Variants in NEDD9 observed in about 807,000 individuals in gnomAD.
NEDD9 encodes enhancer of filamentation 1.
A neutral mutation model predicts 76.6 loss-of-function variants in NEDD9; 26 were observed. That is an observed-to-expected ratio of 0.34 (90% CI 0.25 to 0.47). The LOEUF (loss-of-function observed/expected upper bound fraction) is 0.47. Among genes scored for constraint, NEDD9 ranks in the 20% least tolerant of loss-of-function variants. The probability of loss-of-function intolerance (pLI) is 1.00; values close to 1 mark genes in which losing one functional copy is unlikely to be tolerated. For missense variants in NEDD9, 937 were observed against 1,058.5 expected (o/e 0.89, Z 1.59); for synonymous variants, 392 against 414.2 (o/e 0.95, Z 0.65).
At chr6:11,305,529 A>T (rs1315857841) in intron 3 of NEDD9, among the ~76,000 whole-genome samples, 1 of 152,218 alleles carries the variant, frequency 6.6e-6, no homozygotes, top group African/African-American at 2.4e-5. Flanking sequence ...GATTATTTTC[A>T]TCCTACACTC....
At chr6:11,272,177 G>C (rs1760322990) in intron 3 of NEDD9, among the ~76,000 whole-genome samples, 1 of 152,162 alleles carries the variant, frequency 6.6e-6, no homozygotes, top group Non-Finnish European at 1.5e-5. Context: ...TGCTGCAGAT[G>C]AGGATCTCTG....
At chr6:11,285,773 T>C (rs1760634981) in intron 3 of NEDD9, among the ~76,000 whole-genome samples, 1 of 152,198 alleles carries the variant, frequency 6.6e-6, no homozygotes, top group Non-Finnish European at 1.5e-5. Flanking sequence ...CATAGTTCTT[T>C]CAACAAATGG....
intron 1 of NEDD9, among the ~76,000 whole-genome samples, chr6:11,375,355 T>C (rs1021837287): frequency 6.6e-6 from 1 of 152,210 alleles, no homozygotes; most frequent in Non-Finnish European, 1.5e-5. Context: ...GCAAATTGTA[T>C]ATATACCTAT....
chr6:11,264,314 G>A (rs1461847299), intron 3 of NEDD9, among the ~76,000 whole-genome samples: 1 of 152,186 alleles, frequency 6.6e-6, no homozygotes, highest in Non-Finnish European at 1.5e-5. Flanking sequence ...GGCGCCCCCA[G>A]AGGAAGAATC....
At chr6:11,210,292 G>A (rs911686006) in intron 2 of NEDD9, among the ~76,000 whole-genome samples, 14 of 152,156 alleles carry the variant, frequency 9.2e-5, no homozygotes, top group African/African-American at 3.4e-4. Flanking sequence ...ACCTCTCTGG[G>A]TGATTCTATG....
At position 11,186,541 on chromosome 6, in the gene NEDD9, C is replaced by T. The variant is rs953569519; in HGVS notation, c.1996-870G>A. Among the ~76,000 whole-genome samples, 16 of 152,324 alleles carry T rather than the reference C, an allele frequency of 1.1e-4. No homozygotes were observed. In the East Asian group the frequency reaches 2.9e-3, roughly 28 times the overall value. Reference sequence around the variant, plus strand: ...AGACTCAGTTAATCTCCCACCTGGACGTAGGGATGAGCTGGAGCAGTGATC... The same window carrying T: ...AGACTCAGTTAATCTCCCACCTGGATGTAGGGATGAGCTGGAGCAGTGATC... On this transcript the variant is annotated intron_variant, in intron 6 of 6. Coordinates refer to ENST00000379446, the MANE Select transcript of NEDD9 (RefSeq NM_006403.4).
chr6:11,232,457 GC>G, intron 1 of NEDD9, 46 bp downstream of exon 1: 1 of 1,611,362 alleles, frequency 6.2e-7, no homozygotes, highest in Non-Finnish European at 8.5e-7. Flanking sequence ...ACACCCGCAG[GC>G]ACAGCTTTCA....
intron 2 of NEDD9, among the ~76,000 whole-genome samples, chr6:11,202,037 A>T (rs1298985918): frequency 7.3e-6 from 1 of 137,568 alleles, no homozygotes; most frequent in Non-Finnish European, 1.5e-5. Context: ...TGCTCAGGAA[A>T]TAACAATGGG....
At chr6:11,211,879 G>A (rs1758796116) in intron 2 of NEDD9, among the ~76,000 whole-genome samples, 1 of 152,138 alleles carries the variant, frequency 6.6e-6, no homozygotes, top group South Asian at 2.1e-4. Context: ...ACAGGGTCAG[G>A]GTCTGGGGTG....
Position 11,323,499 on chromosome 6 carries a change from C to G in NEDD9, c.-153+11002G>C, listed in dbSNP as rs767368132. On this transcript the variant is annotated intron_variant, in intron 2 of 3. Transcript: ENST00000397378. ...GGTGATGATTTCCCACAGGGAGCAT[C>G]TAGCAACGTCTGGAGACATTTTTGT... Among the ~76,000 whole-genome samples the G allele has an allele frequency of 1.6e-4, 25 of 152,210 alleles. 1 individual carries two copies. Among genetic ancestry groups the G allele is most frequent in the Non-Finnish European group, 3.2e-4 (22 of 68,050 alleles).
At chr6:11,372,223 C>T (rs1055037811) in intron 1 of NEDD9, among the ~76,000 whole-genome samples, 2 of 149,546 alleles carry the variant, frequency 1.3e-5, no homozygotes, top group African/African-American at 4.9e-5. Context: ...TAATTTTTAG[C>T]TCCCACAAGT....
chr6:11,358,852 A>C (rs182416969), intron 1 of NEDD9, among the ~76,000 whole-genome samples: 1 of 152,336 alleles, frequency 6.6e-6, no homozygotes, highest in African/African-American at 2.4e-5. Flanking sequence ...AAATTCAAAT[A>C]CTGAGAGAGG....
At chr6:11,318,872 GT>G (rs1315930840) in intron 2 of NEDD9, among the ~76,000 whole-genome samples, 1 of 152,080 alleles carries the variant, frequency 6.6e-6, no homozygotes, top group Non-Finnish European at 1.5e-5. Flanking sequence ...TGATAACCCA[GT>G]TTTTAGGAAA....
chr6:11,324,873 C>T (rs1245843013), intron 2 of NEDD9, among the ~76,000 whole-genome samples: 2 of 152,212 alleles, frequency 1.3e-5, no homozygotes, highest in African/African-American at 4.8e-5. Context: ...CAGTGGTATT[C>T]TAAGAAACAC....
At chr6:11,226,683 G>A (rs979282522) in intron 1 of NEDD9, among the ~76,000 whole-genome samples, 5 of 152,050 alleles carry the variant, frequency 3.3e-5, no homozygotes, top group African/African-American at 1.2e-4. Flanking sequence ...TTTCTGTTAT[G>A]GGTAAACAAT....
upstream of NEDD9, chr6:11,232,746 G>A: frequency 1.4e-6 from 2 of 1,408,068 alleles, no homozygotes; most frequent in Non-Finnish European, 1.9e-6. Context: ...AGTGGGACAA[G>A]GTAATGCTCA....
At chr6:11,302,350 G>A (rs1761070679) in intron 3 of NEDD9, among the ~76,000 whole-genome samples, 1 of 152,070 alleles carries the variant, frequency 6.6e-6, no homozygotes, top group African/African-American at 2.4e-5. Context: ...CCAATAACAG[G>A]CTCTGAAATT....
chr6:11,342,171 A>C (rs1762286622), intron 1 of NEDD9, among the ~76,000 whole-genome samples: 1 of 152,110 alleles, frequency 6.6e-6, no homozygotes, highest in Non-Finnish European at 1.5e-5. Context: ...TTAAGGAAAA[A>C]ATGAACAAAG....
At chr6:11,305,328 G>T in intron 3 of NEDD9, 1 of 359,472 alleles carries the variant, frequency 2.8e-6, no homozygotes, top group Non-Finnish European at 5.1e-6. Context: ...CAGGTCACTG[G>T]CTCCAGGTCA....
Sources: allele counts gnomAD v4.1 joint callset (sites outside exome capture counted in the v4.1 genomes callset), GRCh38; gene constraint gnomAD v4.1.1; transcripts MANE v1.5; gene names NCBI Gene and HGNC (gene_info 2026-07-23, HGNC 2026-07-21).